Variants in DPP10 observed in about 807,000 individuals in gnomAD.
The protein encoded by DPP10 is inactive dipeptidyl peptidase 10.
Under a neutral mutation model 120.9 loss-of-function variants are expected in DPP10, and 33 were observed. The ratio of observed to expected loss-of-function variants is 0.27; its 90% CI spans 0.21 to 0.37. The LOEUF is 0.37. DPP10 is among the 10% of genes least tolerant of loss of function. DPP10 has a pLI of 1.00. For missense variants in DPP10, 816 were observed against 942.8 expected, an observed-to-expected ratio of 0.87 and a Z score of 1.76; for synonymous variants, 337 against 326.1, an observed-to-expected ratio of 1.03 and a Z score of -0.36.
chr2:115,453,238 T>A (rs1158634878), intron 3 of DPP10, among the ~76,000 whole-genome samples: 1 of 151,232 alleles, frequency 6.6e-6, no homozygotes, highest in Admixed American at 6.6e-5. Flanking sequence ...AAATTCTTCT[T>A]AAGTGTTTAC....
chr2:114,843,280 A>G (rs1688301982), intron 1 of DPP10, among the ~76,000 whole-genome samples: 1 of 152,114 alleles, frequency 6.6e-6, no homozygotes, highest in African/African-American at 2.4e-5. Flanking sequence ...GGACTTCTAA[A>G]CAAATCCCCC....
intron 1 of DPP10, among the ~76,000 whole-genome samples, chr2:115,113,437 TC>T (rs1455306348): frequency 6.6e-6 from 1 of 152,090 alleles, no homozygotes; most frequent in Non-Finnish European, 1.5e-5. Flanking sequence ...CGTTTTTTGC[TC>T]TTTTTTGCCC....
chr2:114,485,660 G>C (rs150390096), intron 1 of DPP10, among the ~76,000 whole-genome samples: 27 of 151,946 alleles, frequency 1.8e-4, no homozygotes, highest in African/African-American at 6.3e-4. Flanking sequence ...GGTCTTTATT[G>C]TGTCTCTTCT....
At chr2:114,815,078 G>A (rs183531197) in intron 1 of DPP10, among the ~76,000 whole-genome samples, 2 of 152,308 alleles carry the variant, frequency 1.3e-5, no homozygotes, top group African/African-American at 4.8e-5. Flanking sequence ...CAATGCTGGA[G>A]TAATAGGATC....
intron 1 of DPP10, among the ~76,000 whole-genome samples, chr2:115,096,450 T>A (rs973792853): frequency 6.6e-6 from 1 of 152,036 alleles, no homozygotes; most frequent in African/African-American, 2.4e-5. Flanking sequence ...AATACTTAAG[T>A]GAAGAATGGA....
chr2:114,967,211 T>G (rs375207209), intron 1 of DPP10, among the ~76,000 whole-genome samples: 5 of 152,252 alleles, frequency 3.3e-5, no homozygotes, highest in African/African-American at 1.2e-4. Flanking sequence ...AATCTTCCAT[T>G]AGGCAGCATT....
chr2:114,966,118 G>T (rs767497302), intron 1 of DPP10, among the ~76,000 whole-genome samples: 5 of 152,112 alleles, frequency 3.3e-5, no homozygotes, highest in African/African-American at 1.2e-4. Flanking sequence ...CGGGGACAGG[G>T]AGCAATGCAC....
chr2:115,281,000 A>G (rs903805537), intron 1 of DPP10, among the ~76,000 whole-genome samples: 1 of 152,184 alleles, frequency 6.6e-6, no homozygotes, highest in Admixed American at 6.5e-5. Context: ...TCCAATCCTC[A>G]TAAACAGTAC....
At chr2:114,850,622 G>T (rs1467573339) in intron 1 of DPP10, among the ~76,000 whole-genome samples, 2 of 151,952 alleles carry the variant, frequency 1.3e-5, no homozygotes, top group African/African-American at 2.4e-5. Context: ...AGAAGTTGGG[G>T]GTTGGTATGA....
rs575430932 is a variant in DPP10 at position 115,774,663 on chromosome 2, G to A, written c.1222-2545G>A. 1.6e-3 allele frequency among the ~76,000 whole-genome samples: 248 copies of A among 152,196 alleles called. 2 individuals carry two copies. The highest frequency in any genetic ancestry group is 3.4e-3 in the Middle Eastern group (1 of 294). ...GTTGATATAAAGAAGTCACAGGCTTGCTGTTGACCTTAAGCAGCTAGACGT... is the reference window on the plus strand; with the variant it reads ...GTTGATATAAAGAAGTCACAGGCTTACTGTTGACCTTAAGCAGCTAGACGT... On this transcript the variant is annotated intron_variant, in intron 13 of 25. Coordinates refer to ENST00000410059, the MANE Select transcript of DPP10 (RefSeq NM_020868.6).
intron 13 of DPP10, among the ~76,000 whole-genome samples, chr2:115,770,676 A>C (rs1681353931): frequency 6.6e-6 from 1 of 152,142 alleles, no homozygotes; most frequent in African/African-American, 2.4e-5. Flanking sequence ...GCCTCAATTT[A>C]AAAATAGCTA....
At chr2:114,886,201 A>C (rs141820002) in intron 1 of DPP10, among the ~76,000 whole-genome samples, 164 of 152,332 alleles carry the variant, frequency 1.1e-3, no homozygotes, top group Middle Eastern at 3.4e-3. Flanking sequence ...TGCAGAAAAC[A>C]TAATTCTGAA....
intron 5 of DPP10, among the ~76,000 whole-genome samples, chr2:115,541,825 TAAAAG>T (rs1383377819): frequency 3.3e-5 from 5 of 151,918 alleles, no homozygotes; most frequent in Non-Finnish European, 5.9e-5. Flanking sequence ...GAGATAAAGA[TAAAAG>T]AAAATAAATA....
chr2:114,575,965 G>A (rs908854058), intron 1 of DPP10, among the ~76,000 whole-genome samples: 4 of 152,306 alleles, frequency 2.6e-5, no homozygotes, highest in Non-Finnish European at 4.4e-5. Context: ...TCAGAGATGC[G>A]TGATGAAATA....
rs561048610 is a variant in DPP10, at chr2:115,791,225, C to T, written c.1630+46C>T. Reference sequence around the variant, plus strand: ...TGTTATTCAAGAACAACTTTCTCTGCGTCTTATAGTTTTACCTGCAAATGA... The same window carrying T: ...TGTTATTCAAGAACAACTTTCTCTGTGTCTTATAGTTTTACCTGCAAATGA... On this transcript the variant is annotated intron_variant, in intron 18 of 25. Coordinates refer to ENST00000410059, the MANE Select transcript of DPP10 (RefSeq NM_020868.6). The T allele has an allele frequency of 2.2e-5, 35 of 1,603,594 alleles. No homozygotes were observed. The East Asian group carries it at 4.9e-4, about 23-fold the overall frequency.
At chr2:115,357,547 G>T (rs989714827) in intron 3 of DPP10, among the ~76,000 whole-genome samples, 7 of 152,200 alleles carry the variant, frequency 4.6e-5, no homozygotes, top group Non-Finnish European at 8.8e-5. Context: ...TCATGGGCTG[G>T]TGTTGTGTGT....
intron 1 of DPP10, among the ~76,000 whole-genome samples, chr2:114,988,717 A>G (rs758198152): frequency 7.9e-5 from 12 of 152,158 alleles, no homozygotes; most frequent in Non-Finnish European, 1.5e-4. Flanking sequence ...CTATTATGAC[A>G]CTTCTTGTGA....
rs142196044 is a variant in DPP10, at chr2:114,654,037, G to A, written c.60+211199G>A. Among the ~76,000 whole-genome samples the A allele has an allele frequency of 1.8e-3, 280 of 152,220 alleles. 1 individual carries two copies. Among genetic ancestry groups the A allele is most frequent in the African/African-American group, 6.5e-3 (270 of 41,538 alleles). On this transcript the variant is annotated intron_variant, in intron 1 of 25. Coordinates refer to ENST00000410059, the MANE Select transcript of DPP10 (RefSeq NM_020868.6). ...GTTAACACAGAACCTCTTCTGATTA[G>A]TGTTCAATCTTACTATGGAATAGCT...
intron 1 of DPP10, among the ~76,000 whole-genome samples, chr2:115,001,039 C>T (rs1701405817): frequency 1.3e-5 from 2 of 152,124 alleles, no homozygotes; most frequent in African/African-American, 4.8e-5. Context: ...AATGTAGAAC[C>T]TATCAAATAA....
Sources: gnomAD v4.1 joint callset for allele counts (sites outside exome capture counted in the v4.1 genomes callset) on GRCh38, gnomAD v4.1.1 for gene constraint, MANE v1.5 for transcripts, NCBI Gene and HGNC (gene_info 2026-07-23, HGNC 2026-07-21) for gene names.